ADCY6: variants seen among roughly 807,000 people sequenced by gnomAD.
ADCY6 encodes adenylate cyclase type 6.
ADCY6 carries 59 observed loss-of-function variants against 111.6 expected under a neutral mutation model. That is an observed-to-expected ratio of 0.53 (90% CI 0.43 to 0.66). The LOEUF (loss-of-function observed/expected upper bound fraction) is 0.66, where lower values mean the gene tolerates loss of function less well. Among genes scored for constraint, ADCY6 ranks in the 30% least tolerant of loss-of-function variants. The pLI is 0.00. For synonymous variants in ADCY6, 576 were observed against 642.9 expected (o/e 0.90, Z 1.57); for missense variants, 1,242 against 1,595.6 (o/e 0.78, Z 3.78).
rs1941731425 is a variant in ADCY6 at position 48,777,361 on chromosome 12, C to G, written c.1248+49G>C. Reference sequence around the variant, plus strand: ...CAGCTGCTGCCAGCAAAGCTATGCTCTCACCACGGTCAACACCCAGGCCCA... The same window carrying G: ...CAGCTGCTGCCAGCAAAGCTATGCTGTCACCACGGTCAACACCCAGGCCCA... On this transcript the variant is annotated intron_variant, in intron 5 of 21. Coordinates refer to ENST00000357869, the MANE Select transcript of ADCY6 (RefSeq NM_015270.5). This position sits in a 1 kb window ranked among gnomAD's most constrained non-coding sequence, Gnocchi z 4.9. 2.5e-6 allele frequency: 4 copies of G among 1,607,938 alleles called. No homozygotes were observed. The East Asian group carries it at 8.9e-5, about 36-fold the overall frequency.
chr12:48,768,291 C>T lies in ADCY6; in HGVS notation c.*300G>A. On this transcript the variant is annotated 3_prime_UTR_variant, in exon 22 of 22. Coordinates refer to ENST00000357869, the MANE Select transcript of ADCY6 (RefSeq NM_015270.5). ...CATTTTAATCCCTCAGGCAAGAGGC[C>T]TCCCTCTGCTTCTGCTACTGACCCC... 2.1e-6 allele frequency: 1 copy of T among 468,232 alleles called. No homozygotes were observed. Among genetic ancestry groups the T allele is most frequent in the Non-Finnish European group, 3.9e-6 (1 of 255,550 alleles). 29.0% of individuals were successfully genotyped at this position (468,232 alleles called of 1,614,324 possible). A position where few individuals can be genotyped will look rare whatever the true frequency, so the allele number is the denominator to read the frequency against.
In ADCY6 at chr12:48,775,691, T is replaced by A. The variant is rs774274105; in HGVS notation, c.1814A>T (p.Asp605Val). Residue 605 changes from aspartate (D) to valine (V), a missense_variant, in exon 10 of 22, where the codon GAT (aspartate) becomes GTT (valine). Physicochemically the swap from Asp to Val is radical, Grantham distance 152 (BLOSUM62 -3). Transcript: ENST00000357869. ...DSKAFRQMGI[D>V]DSSKDNRGTQ... ...GACTTACTTGTCTTTGCTGGAATCATCAATGCCCTGGAGAAAGGGACAGAG... is the reference window on the plus strand; with the variant it reads ...GACTTACTTGTCTTTGCTGGAATCAACAATGCCCTGGAGAAAGGGACAGAG... The A allele has an allele frequency of 6.2e-7, 1 of 1,613,574 alleles. No individual in the cohort carries two copies. Among genetic ancestry groups the A allele is most frequent in the Admixed American group, 1.7e-5 (1 of 60,000 alleles).
Position 48,777,529 on chromosome 12 carries a change from T to C in ADCY6, c.1137-8A>G, listed in dbSNP as rs2137365766. 1.2e-6 allele frequency: 2 copies of C among 1,613,618 alleles called. No individual in the cohort carries two copies. The highest frequency in any genetic ancestry group is 2.2e-5 in the East Asian group (1 of 44,894). On this transcript the variant is annotated splice_region_variant and splice_polypyrimidine_tract_variant and intron_variant, in intron 4 of 21. Coordinates refer to ENST00000357869, the MANE Select transcript of ADCY6 (RefSeq NM_015270.5). This position sits in a 1 kb window ranked among gnomAD's most constrained non-coding sequence, Gnocchi z 4.9. ...ATGTCTGCAAACAGGATGCTGTAGA[T>C]GACAGCAGAGGATGAACAGAACACA... is the stretch of plus-strand genomic sequence containing the variant.
chr12:48,777,524 G>A lies in ADCY6; in HGVS notation c.1137-3C>T. 6.2e-7 allele frequency: 1 copy of A among 1,614,228 alleles called. No homozygotes were observed. Among genetic ancestry groups the A allele is most frequent in the Non-Finnish European group, 8.5e-7 (1 of 1,180,012 alleles). On this transcript the variant is annotated splice_region_variant and splice_polypyrimidine_tract_variant and intron_variant, in intron 4 of 21. Transcript: ENST00000357869. This position sits in a 1 kb window ranked among gnomAD's most constrained non-coding sequence, Gnocchi z 4.9. Reference sequence around the variant, plus strand: ...CCTCAATGTCTGCAAACAGGATGCTGTAGATGACAGCAGAGGATGAACAGA... The same window carrying A: ...CCTCAATGTCTGCAAACAGGATGCTATAGATGACAGCAGAGGATGAACAGA...
chr12:48,782,880 G>GT lies in ADCY6; in HGVS notation c.554_555insA (p.Cys186LeufsTer14). 6.2e-7 allele frequency: 1 copy of GT among 1,613,982 alleles called. No individual in the cohort carries two copies. On this transcript the variant is annotated frameshift_variant, in exon 2 of 22. Transcript: ENST00000357869. LOFTEE classifies it high-confidence loss of function. This position sits in a 1 kb window ranked among gnomAD's most constrained non-coding sequence, Gnocchi z 4.3. ...GCCCCACGAACAGGGCGGCGGCACA[G>GT]GCCAACAGTGCCACATAGGCAGGCT...
At chr12:48,785,328 T>C (rs1941960756) in intron 1 of ADCY6, among the ~76,000 whole-genome samples, 1 of 152,154 alleles carries the variant, frequency 6.6e-6, no homozygotes, top group Admixed American at 6.6e-5. Flanking sequence ...CCTAAACAAG[T>C]GTTCATTGAG....
At position 48,777,264 on chromosome 12, in the gene ADCY6, C is replaced by A; in HGVS notation, c.1249-33G>T. 2.5e-6 allele frequency: 4 copies of A among 1,602,194 alleles called. No individual in the cohort carries two copies. Among genetic ancestry groups the A allele is most frequent in the South Asian group, 1.1e-5 (1 of 89,218 alleles). ...GGAAGGAATTGGAGGGAAGGGTAACCTTTACTCTCTTGCCCACCCAGCCTG... is the reference window on the plus strand; with the variant it reads ...GGAAGGAATTGGAGGGAAGGGTAACATTTACTCTCTTGCCCACCCAGCCTG... On this transcript the variant is annotated intron_variant, in intron 5 of 21. Coordinates refer to ENST00000357869, the MANE Select transcript of ADCY6 (RefSeq NM_015270.5). This position sits in a 1 kb window ranked among gnomAD's most constrained non-coding sequence, Gnocchi z 4.9.
At position 48,788,931 on chromosome 12, in the gene ADCY6, C is replaced by G. The variant is rs1194204457; in HGVS notation, c.-30G>C. 1.3e-5 allele frequency: 2 copies of G among 148,300 alleles called. No homozygotes were observed. The highest frequency in any genetic ancestry group is 3.0e-5 in the Non-Finnish European group (2 of 66,482). The allele number at this position is 148,300 out of a possible 1,614,324, so 9.2% of individuals were successfully genotyped here. A position where few individuals can be genotyped will look rare whatever the true frequency, so the allele number is the denominator to read the frequency against. On this transcript the variant is annotated 5_prime_UTR_variant, in exon 1 of 22. Coordinates refer to ENST00000357869, the MANE Select transcript of ADCY6 (RefSeq NM_015270.5). Reference sequence around the variant, plus strand: ...CTGCCGGCCCGGCTCCGCGCCTGCCCTGGGCCCCCGCCCCGCCGCCCCCGC... The same window carrying G: ...CTGCCGGCCCGGCTCCGCGCCTGCCGTGGGCCCCCGCCCCGCCGCCCCCGC...
rs562209291 is a variant in ADCY6, at chr12:48,782,286, C to T, written c.864+285G>A. Among the ~76,000 whole-genome samples, 8 of 152,242 alleles carry T rather than the reference C, an allele frequency of 5.3e-5. No homozygotes were observed. The highest frequency in any genetic ancestry group is 2.1e-4 in the South Asian group (1 of 4,822). ...GTCTCTACAGACTGCACTATTTCAG[C>T]GGGCTAAAGAGCCGGAGACTGGGGC... On this transcript the variant is annotated intron_variant, in intron 2 of 21. Transcript: ENST00000357869. The surrounding 1 kb of genome is among the most constrained non-coding windows in gnomAD (Gnocchi z 4.3).
rs1412956798 is a variant in ADCY6 at position 48,776,662 on chromosome 12, TC to T, written c.1377-77del. 51 of 1,521,052 alleles carry T rather than the reference TC, an allele frequency of 3.4e-5. No homozygotes were observed. The highest frequency in any genetic ancestry group is 4.4e-5 in the Non-Finnish European group (50 of 1,135,452). 94.2% of individuals were successfully genotyped at this position (1,521,052 alleles called of 1,614,324 possible). On this transcript the variant is annotated intron_variant, in intron 6 of 21. Coordinates refer to ENST00000357869, the MANE Select transcript of ADCY6 (RefSeq NM_015270.5). This position sits in a 1 kb window ranked among gnomAD's most constrained non-coding sequence, Gnocchi z 6.1. ...GCCCACAACCCAGGCCCTTCACTCC[TC>T]TCAGGGCCCAGCGGGCAAGGACAGA...
chr12:48,783,518 C>T, intron 1 of ADCY6, 80 bp from the exon 2 acceptor site: 15 of 1,594,706 alleles, frequency 9.4e-6, no homozygotes, highest in Non-Finnish European at 1.2e-5. Flanking sequence ...CCACTGCCAC[C>T]ACTAGTAGCT....
At chr12:48,769,114 G>A in intron 20 of ADCY6, 53 bp from the exon 21 acceptor site, 1 of 1,488,462 alleles carries the variant, frequency 6.7e-7, no homozygotes, top group East Asian at 2.4e-5. Flanking sequence ...GTAAACCCAG[G>A]GAGTCATCCC....
In ADCY6 at chr12:48,768,547, A is replaced by G. The variant is rs780645206; in HGVS notation, c.*44T>C. Reference sequence around the variant, plus strand: ...ACCCAGTGAGCACAGAGTCCACTCAATGCCCACCTTGGTCCCTTCAGCTGA... The same window carrying G: ...ACCCAGTGAGCACAGAGTCCACTCAGTGCCCACCTTGGTCCCTTCAGCTGA... On this transcript the variant is annotated 3_prime_UTR_variant, in exon 22 of 22. Coordinates refer to ENST00000357869, the MANE Select transcript of ADCY6 (RefSeq NM_015270.5). 21 of 1,613,972 alleles carry G rather than the reference A, an allele frequency of 1.3e-5. No individual in the cohort carries two copies. The Admixed American group carries it at 3.0e-4, about 23-fold the overall frequency.
chr12:48,772,049 G>T, intron 18 of ADCY6, 76 bp from the exon 19 acceptor site: 1 of 1,524,154 alleles, frequency 6.6e-7, no homozygotes, highest in East Asian at 2.3e-5. Flanking sequence ...TTGGAAGTGC[G>T]GATAAGAGGG....
At chr12:48,773,919 G>A (rs201443621) in intron 15 of ADCY6, 21 bp downstream of exon 15, 23 of 1,611,930 alleles carry the variant, frequency 1.4e-5, no homozygotes, top group Non-Finnish European at 1.8e-5. Context: ...CCCCCCCACC[G>A]CCTGAGCACT....
Position 48,776,696 on chromosome 12 carries a change from G to T in ADCY6, c.1377-110C>A. On this transcript the variant is annotated intron_variant, in intron 6 of 21. Transcript: ENST00000357869. This position sits in a 1 kb window ranked among gnomAD's most constrained non-coding sequence, Gnocchi z 6.1. Reference sequence around the variant, plus strand: ...CCAGCGGGCAAGGACAGACCCAGATGCAGGGGACGGGAGCACAGCCTTGGT... The same window carrying T: ...CCAGCGGGCAAGGACAGACCCAGATTCAGGGGACGGGAGCACAGCCTTGGT... 1 of 1,375,320 alleles carries T rather than the reference G, an allele frequency of 7.3e-7. No individual in the cohort carries two copies. Among genetic ancestry groups the T allele is most frequent in the Non-Finnish European group, 9.7e-7 (1 of 1,030,922 alleles). The allele number at this position is 1,375,320 out of a possible 1,614,324, so 85.2% of individuals were successfully genotyped here.
Position 48,777,811 on chromosome 12 carries a change from C to A in ADCY6, c.1015-75G>T. On this transcript the variant is annotated intron_variant, in intron 3 of 21. Transcript: ENST00000357869. The surrounding 1 kb of genome is among the most constrained non-coding windows in gnomAD (Gnocchi z 4.9). ...GCAATCCCTCCTGGTCTCTCCACAT[C>A]GCCAGAGCCCTCCTAGACTTCTCTG... 1 of 1,580,442 alleles carries A rather than the reference C, an allele frequency of 6.3e-7. No individual in the cohort carries two copies. The highest frequency in any genetic ancestry group is 8.6e-7 in the Non-Finnish European group (1 of 1,163,682).
Position 48,768,497 on chromosome 12 carries a change from G to T in ADCY6, c.*94C>A. The T allele has an allele frequency of 6.4e-7, 1 of 1,571,542 alleles. No individual in the cohort carries two copies. Among genetic ancestry groups the T allele is most frequent in the South Asian group, 1.1e-5 (1 of 89,472 alleles). On this transcript the variant is annotated 3_prime_UTR_variant, in exon 22 of 22. Coordinates refer to ENST00000357869, the MANE Select transcript of ADCY6 (RefSeq NM_015270.5). The stretch of plus-strand genomic sequence containing the variant: ...CTTTTGTGGTTAGCAGGGTCTGGAG[G>T]CTCAGTGCCCCCTGCCACAGCTCCA...
Position 48,771,582 on chromosome 12 carries a change from C to A in ADCY6, c.3051+128G>T, listed in dbSNP as rs1268454268. The A allele has an allele frequency of 4.1e-6, 6 of 1,472,534 alleles. No homozygotes were observed. The African/African-American group carries it at 6.9e-5, about 17-fold the overall frequency. 91.2% of individuals were successfully genotyped at this position (1,472,534 alleles called of 1,614,324 possible). A position where few individuals can be genotyped will look rare whatever the true frequency, so the allele number is the denominator to read the frequency against. On this transcript the variant is annotated intron_variant, in intron 19 of 21. Transcript: ENST00000357869. This position sits in a 1 kb window ranked among gnomAD's most constrained non-coding sequence, Gnocchi z 4.3. ...CTTGCCTCTGCCTCCACTGTGCATA[C>A]CCTTACCCCTGATGACTCTGGGTCC... is the stretch of plus-strand genomic sequence containing the variant.
Sources: gnomAD v4.1 joint callset for allele counts (sites outside exome capture counted in the v4.1 genomes callset) on GRCh38, gnomAD v4.1.1 for gene constraint, Gnocchi (gnomAD v3.1) non-coding constraint, MANE v1.5 for transcripts, NCBI Gene and HGNC (gene_info 2026-07-23, HGNC 2026-07-21) for gene names.